ZNF385B: variants seen among roughly 807,000 people sequenced by gnomAD.
ZNF385B encodes zinc finger protein 533.
Under a neutral mutation model 39.2 loss-of-function variants are expected in ZNF385B, and 23 were observed. The ratio of observed to expected loss-of-function variants is 0.59; its 90% CI spans 0.42 to 0.83. ZNF385B has a LOEUF of 0.83. ZNF385B is among the 40% of genes least tolerant of loss of function. ZNF385B has a pLI of 0.00. For missense variants in ZNF385B, 552 were observed against 598.9 expected (o/e 0.92, Z 0.82); for synonymous variants, 205 against 222.6 (o/e 0.92, Z 0.70).
At chr2:179,700,591 G>T (rs538769819) in intron 3 of ZNF385B, among the ~76,000 whole-genome samples, 1 of 152,336 alleles carries the variant, frequency 6.6e-6, no homozygotes, top group East Asian at 1.9e-4. Flanking sequence ...GAGTGCTATA[G>T]CAAAGAAAGA....
chr2:179,746,893 C>A (rs1702414534), intron 3 of ZNF385B, among the ~76,000 whole-genome samples: 1 of 152,026 alleles, frequency 6.6e-6, no homozygotes, highest in Non-Finnish European at 1.5e-5. Flanking sequence ...CATGTGCATG[C>A]AAACTGCAAA....
At position 179,689,826 on chromosome 2, in the gene ZNF385B, T is replaced by TGTG. The variant is rs1491484227; in HGVS notation, c.298+79676_298+79677insCAC. On this transcript the variant is annotated intron_variant, in intron 3 of 9. Coordinates refer to ENST00000410066, the MANE Select transcript of ZNF385B (RefSeq NM_152520.6). Reference sequence around the variant, plus strand: ...GTGTGTGTGTGTGTGTGTGTGTGTGTTTATTTGTTTTTATCCCAGACTTTG... The same window carrying TGTG: ...GTGTGTGTGTGTGTGTGTGTGTGTGTGTGTTATTTGTTTTTATCCCAGACTTTG... 2.5e-3 allele frequency among the ~76,000 whole-genome samples: 118 copies of TGTG among 46,800 alleles called. 1 individual carries two copies. Among genetic ancestry groups the TGTG allele is most frequent in the African/African-American group, 0.011 (115 of 10,598 alleles). 30.7% of individuals were successfully genotyped at this position (46,800 alleles called of 152,430 possible).
At chr2:179,487,166 A>T (rs1441837899) in intron 5 of ZNF385B, among the ~76,000 whole-genome samples, 2 of 152,248 alleles carry the variant, frequency 1.3e-5, no homozygotes, top group Non-Finnish European at 2.9e-5. Flanking sequence ...GCGTCAATTA[A>T]CACTTGGGAT....
At chr2:179,598,344 T>C (rs1368558700) in intron 3 of ZNF385B, among the ~76,000 whole-genome samples, 1 of 152,154 alleles carries the variant, frequency 6.6e-6, no homozygotes, top group Non-Finnish European at 1.5e-5. Flanking sequence ...AGAAATACTA[T>C]CTTGAATGGG....
intron 1 of ZNF385B, among the ~76,000 whole-genome samples, chr2:179,819,374 T>A (rs977517544): frequency 1.1e-4 from 17 of 152,056 alleles, no homozygotes; most frequent in African/African-American, 4.1e-4. Flanking sequence ...GTGGCCTCCC[T>A]CATGACATCA....
intron 3 of ZNF385B, among the ~76,000 whole-genome samples, chr2:179,689,457 T>C (rs1415555163): frequency 6.6e-6 from 1 of 152,094 alleles, no homozygotes; most frequent in African/African-American, 2.4e-5. Flanking sequence ...AGAGCACTAA[T>C]GGCCCTCGTG....
In ZNF385B at chr2:179,826,334, C is replaced by CA. The variant is rs1707681238; in HGVS notation, c.-155+34766dup. Among the ~76,000 whole-genome samples the CA allele has an allele frequency of 2.6e-5, 4 of 152,276 alleles. No individual in the cohort carries two copies. In the South Asian group the frequency reaches 8.3e-4, roughly 32 times the overall value. ...AGCCACAAATAAAACAACAACAAAG[C>CA]ATGCAAGAGCTTTGATGCCCTCACG... On this transcript the variant is annotated intron_variant, in intron 1 of 9. Coordinates refer to ENST00000410066, the MANE Select transcript of ZNF385B (RefSeq NM_152520.6).
intron 1 of ZNF385B, among the ~76,000 whole-genome samples, chr2:179,770,907 T>C (rs1199431664): frequency 6.6e-6 from 1 of 152,218 alleles, no homozygotes; most frequent in Non-Finnish European, 1.5e-5. Context: ...CCATTTTATG[T>C]AATTTTTCAT....
At chr2:179,731,634 A>T (rs1216581649) in intron 3 of ZNF385B, among the ~76,000 whole-genome samples, 1 of 151,986 alleles carries the variant, frequency 6.6e-6, no homozygotes, top group Non-Finnish European at 1.5e-5. Flanking sequence ...TCACTTAAAA[A>T]TCTCCTGCCA....
chr2:179,759,756 T>C (rs1703255733), intron 3 of ZNF385B, among the ~76,000 whole-genome samples: 1 of 152,094 alleles, frequency 6.6e-6, no homozygotes, highest in African/African-American at 2.4e-5. Context: ...GTTCTTAGCA[T>C]ACCATATTGC....
At position 179,780,163 on chromosome 2, in the gene ZNF385B, C is replaced by G. The variant is rs889581743; in HGVS notation, c.-154-9491G>C. ...TCTAGTCTGAGACTCTACTAGGCAG[C>G]CACCAACAGACTTTACCCTGCCACC... is the stretch of plus-strand genomic sequence containing the variant. On this transcript the variant is annotated intron_variant, in intron 1 of 9. Coordinates refer to ENST00000410066, the MANE Select transcript of ZNF385B (RefSeq NM_152520.6). 3.7e-4 allele frequency among the ~76,000 whole-genome samples: 56 copies of G among 152,210 alleles called. 1 individual carries two copies. The highest frequency in any genetic ancestry group is 1.2e-3 in the African/African-American group (48 of 41,534).
intron 6 of ZNF385B, among the ~76,000 whole-genome samples, chr2:179,471,532 C>A (rs1314179381): frequency 6.6e-6 from 1 of 152,124 alleles, no homozygotes; most frequent in Admixed American, 6.6e-5. Flanking sequence ...GTAGTCCTAG[C>A]AGTACCTGTA....
chr2:179,666,038 T>G (rs528400789), intron 3 of ZNF385B, among the ~76,000 whole-genome samples: 1 of 152,174 alleles, frequency 6.6e-6, no homozygotes, highest in Non-Finnish European at 1.5e-5. Flanking sequence ...GACAAGACCA[T>G]GAAACTTTGT....
chr2:179,851,780 C>T (rs1684182673), intron 1 of ZNF385B, among the ~76,000 whole-genome samples: 1 of 152,160 alleles, frequency 6.6e-6, no homozygotes, highest in Non-Finnish European at 1.5e-5. Flanking sequence ...TACAGAAGTA[C>T]ACACTGAAGG....
intron 1 of ZNF385B, among the ~76,000 whole-genome samples, chr2:179,784,885 A>T (rs1422889100): frequency 6.6e-6 from 1 of 152,120 alleles, no homozygotes; most frequent in African/African-American, 2.4e-5. Flanking sequence ...ATGTCTACTA[A>T]GCTAAGCATA....
intron 1 of ZNF385B, among the ~76,000 whole-genome samples, chr2:179,838,408 T>C (rs1332594715): frequency 1.3e-5 from 2 of 152,198 alleles, no homozygotes; most frequent in Non-Finnish European, 2.9e-5. Context: ...TAGATTTATC[T>C]TTTTACCCCT....
chr2:179,652,088 T>C lies in ZNF385B; in HGVS notation c.299-107119A>G, dbSNP rs1693244561. On this transcript the variant is annotated intron_variant, in intron 3 of 9. Transcript: ENST00000410066. ...ATGTCAGAGGATCAGCAAACTCTTG[T>C]CTAGACAAAGCATTTTAAGATATAG... Among the ~76,000 whole-genome samples the C allele has an allele frequency of 2.6e-5, 4 of 152,246 alleles. 1 individual carries two copies. The South Asian group carries it at 8.3e-4, about 32-fold the overall frequency.
intron 3 of ZNF385B, among the ~76,000 whole-genome samples, chr2:179,749,157 T>A (rs1347236275): frequency 6.6e-6 from 1 of 151,896 alleles, no homozygotes; most frequent in Non-Finnish European, 1.5e-5. Context: ...ATAAGATGAG[T>A]AACACTTCAG....
intron 5 of ZNF385B, among the ~76,000 whole-genome samples, chr2:179,507,666 G>T (rs1023754039): frequency 1.3e-4 from 20 of 152,092 alleles, no homozygotes; most frequent in Non-Finnish European, 2.4e-4. Flanking sequence ...GTATTTCTCA[G>T]ATCTTCCTTT....
Sources: gnomAD v4.1 joint callset for allele counts (sites outside exome capture counted in the v4.1 genomes callset) on GRCh38, gnomAD v4.1.1 for gene constraint, MANE v1.5 for transcripts, NCBI Gene and HGNC (gene_info 2026-07-23, HGNC 2026-07-21) for gene names.